SLC35A3: variants seen among roughly 807,000 people sequenced by gnomAD.
SLC35A3 encodes the protein solute carrier family 35 member A3, also known as UDP-N-acetylglucosamine transporter.
A neutral mutation model predicts 39.0 loss-of-function variants in SLC35A3; 26 were observed. That is an observed-to-expected ratio of 0.67 (90% CI 0.49 to 0.92). The LOEUF (loss-of-function observed/expected upper bound fraction) is 0.92. SLC35A3 is among the 40% of genes least tolerant of loss of function. SLC35A3 has a pLI of 0.00. For synonymous variants in SLC35A3, 135 were observed against 133.1 expected, an observed-to-expected ratio of 1.01 and a Z score of -0.10; for missense variants, 299 against 371.6, an observed-to-expected ratio of 0.80 and a Z score of 1.61.
intron 2 of SLC35A3, among the ~76,000 whole-genome samples, chr1:99,998,955 ATT>A (rs1424593880): frequency 6.6e-6 from 1 of 152,332 alleles, no homozygotes; most frequent in African/African-American, 2.4e-5. Context: ...TGGTTAACAA[ATT>A]AAAACTTTGA....
intron 3 of SLC35A3, among the ~76,000 whole-genome samples, chr1:100,003,547 C>T (rs1424101409): frequency 3.3e-5 from 5 of 151,552 alleles, no homozygotes; most frequent in Admixed American, 3.3e-4. Flanking sequence ...ATATTCTATT[C>T]TGGAGAATGC....
intron 1 of SLC35A3, among the ~76,000 whole-genome samples, chr1:99,974,599 A>C (rs1657008286): frequency 6.6e-6 from 1 of 152,068 alleles, no homozygotes; most frequent in Non-Finnish European, 1.5e-5. Flanking sequence ...GAAAGTGTTG[A>C]GATTACTGGT....
intron 3 of SLC35A3, among the ~76,000 whole-genome samples, chr1:100,004,651 A>G: frequency 6.6e-6 from 1 of 152,136 alleles, no homozygotes; most frequent in East Asian, 1.9e-4. Flanking sequence ...TATCTAGGAA[A>G]GACTTTATCT....
rs1173532296 is a variant in SLC35A3 at position 100,035,483 on chromosome 1, T to C, written c.*13007T>C. ...ACATTTAGTATGTGTTAAATTTCTC[T>C]TACTACATTATTTCCAACAGTATTT... is the stretch of plus-strand genomic sequence containing the variant. On this transcript the variant is annotated 3_prime_UTR_variant, in exon 8 of 8. Coordinates refer to ENST00000533028, the MANE Select transcript of SLC35A3 (RefSeq NM_012243.3). The C allele has an allele frequency of 6.6e-6, 1 of 152,224 alleles. No homozygotes were observed. Among genetic ancestry groups the C allele is most frequent in the East Asian group, 1.9e-4 (1 of 5,206 alleles). 9.4% of individuals were successfully genotyped at this position (152,224 alleles called of 1,614,324 possible). A position where few individuals can be genotyped will look rare whatever the true frequency, so the allele number is the denominator to read the frequency against.
intron 1 of SLC35A3, chr1:99,993,199 G>A (rs767930399): frequency 2.9e-5 from 5 of 173,654 alleles, no homozygotes; most frequent in Non-Finnish European, 6.1e-5. Context: ...TACATCTGTA[G>A]CAAAAAAAAT....
intron 1 of SLC35A3, among the ~76,000 whole-genome samples, chr1:99,974,593 G>A (rs1352284020): frequency 2.0e-5 from 3 of 152,246 alleles, no homozygotes; most frequent in East Asian, 3.9e-4. Flanking sequence ...GCCTCTGAAA[G>A]TGTTGAGATT....
chr1:99,977,330 G>C (rs1407805471), intron 1 of SLC35A3, among the ~76,000 whole-genome samples: 5 of 122,434 alleles, frequency 4.1e-5, no homozygotes, highest in African/African-American at 3.3e-5. Flanking sequence ...ACAGCCTGAC[G>C]AACATCGCGA....
At chr1:99,973,390 T>C (rs1656926491) in intron 1 of SLC35A3, among the ~76,000 whole-genome samples, 2 of 152,242 alleles carry the variant, frequency 1.3e-5, no homozygotes, top group African/African-American at 4.8e-5. Flanking sequence ...AAAAGCAATG[T>C]ATTCTTAAGT....
chr1:99,979,466 C>T lies in SLC35A3; in HGVS notation c.-19+9304C>T, dbSNP rs374388007. Among the ~76,000 whole-genome samples the T allele has an allele frequency of 4.7e-5, 7 of 147,574 alleles. No homozygotes were observed. In the East Asian group the frequency reaches 1.2e-3, roughly 26 times the overall value. On this transcript the variant is annotated intron_variant, in intron 1 of 7. Coordinates refer to ENST00000533028, the MANE Select transcript of SLC35A3 (RefSeq NM_012243.3). ...TTTTTTTATTTGAGACAGAGTCTCA[C>T]TCTGTTGCTCAGGCTGGAGTGCAGT...
intron 1 of SLC35A3, among the ~76,000 whole-genome samples, chr1:99,978,077 AT>A (rs1022056780): frequency 6.6e-6 from 1 of 152,106 alleles, no homozygotes; most frequent in Non-Finnish European, 1.5e-5. Context: ...AAAATTGGGA[AT>A]TTTTTTCTCT....
chr1:100,008,110 C>G (rs944549563), intron 4 of SLC35A3: 3 of 151,998 alleles, frequency 2.0e-5, no homozygotes, highest in African/African-American at 7.3e-5. Context: ...TGCCACCATG[C>G]CCGGCTAATT....
At position 100,027,242 on chromosome 1, in the gene SLC35A3, A is replaced by T. The variant is rs1244211108; in HGVS notation, c.*4766A>T. ...CAAGGCAGAAGAATCGCTTGAGCCC[A>T]TGAATTTGAGGCCAGCCTGGGCAAC... On this transcript the variant is annotated 3_prime_UTR_variant, in exon 8 of 8. Coordinates refer to ENST00000533028, the MANE Select transcript of SLC35A3 (RefSeq NM_012243.3). The T allele has an allele frequency of 2.5e-6, 1 of 398,492 alleles. No homozygotes were observed. Among genetic ancestry groups the T allele is most frequent in the Non-Finnish European group, 4.4e-6 (1 of 226,062 alleles). The allele number at this position is 398,492 out of a possible 1,614,324, so 24.7% of individuals were successfully genotyped here.
Position 99,988,602 on chromosome 1 carries a change from C to A in SLC35A3, c.-18-4935C>A, listed in dbSNP as rs867079989. Among the ~76,000 whole-genome samples, 94 of 151,062 alleles carry A rather than the reference C, an allele frequency of 6.2e-4. 1 individual carries two copies. Among genetic ancestry groups the A allele is most frequent in the African/African-American group, 2.2e-3 (92 of 41,100 alleles). On this transcript the variant is annotated intron_variant, in intron 1 of 7. Coordinates refer to ENST00000533028, the MANE Select transcript of SLC35A3 (RefSeq NM_012243.3). ...TGTTATTGTTTTCTTCCTTCTCTTCCTTCCCTTCCTTCTGTCCCTCCCCTC... is the reference window on the plus strand; with the variant it reads ...TGTTATTGTTTTCTTCCTTCTCTTCATTCCCTTCCTTCTGTCCCTCCCCTC...
rs1661297732 is a variant in SLC35A3 at position 100,032,521 on chromosome 1, T to C, written c.*10045T>C. Reference sequence around the variant, plus strand: ...GATGCTCATATATATTGTGAGCCTCTAGCCCATGTAAGTCACAGCAAGCTA... The same window carrying C: ...GATGCTCATATATATTGTGAGCCTCCAGCCCATGTAAGTCACAGCAAGCTA... On this transcript the variant is annotated 3_prime_UTR_variant, in exon 8 of 8. Coordinates refer to ENST00000533028, the MANE Select transcript of SLC35A3 (RefSeq NM_012243.3). 6.6e-6 allele frequency: 1 copy of C among 152,190 alleles called. No homozygotes were observed. The highest frequency in any genetic ancestry group is 1.5e-5 in the Non-Finnish European group (1 of 68,038). 9.4% of individuals were successfully genotyped at this position (152,190 alleles called of 1,614,324 possible).
At chr1:100,008,030 C>T (rs1659367085) in intron 4 of SLC35A3, 1 of 150,912 alleles carries the variant, frequency 6.6e-6, no homozygotes, top group Non-Finnish European at 1.5e-5. Context: ...CAGCTCACTG[C>T]AACCTCCACC....
At chr1:99,974,412 A>T (rs991219006) in intron 1 of SLC35A3, among the ~76,000 whole-genome samples, 1 of 152,220 alleles carries the variant, frequency 6.6e-6, no homozygotes, top group African/African-American at 2.4e-5. Flanking sequence ...TAGAGACAGA[A>T]TGTGAACTCA....
At chr1:99,971,463 C>T (rs1414315840) in intron 1 of SLC35A3, among the ~76,000 whole-genome samples, 1 of 152,000 alleles carries the variant, frequency 6.6e-6, no homozygotes, top group Non-Finnish European at 1.5e-5. Context: ...CCCGCCGCCA[C>T]GCCCGGCTAA....
In SLC35A3 at chr1:100,011,402, C is replaced by A; in HGVS notation, c.503C>A (p.Ser168Ter). 1 of 1,569,902 alleles carries A rather than the reference C, an allele frequency of 6.4e-7. No individual in the cohort carries two copies. Among genetic ancestry groups the A allele is most frequent in the East Asian group, 2.3e-5 (1 of 43,866 alleles). The change falls in exon 5 of 8, where the codon TCA (serine) becomes TAA (stop). Residue 168 changes from serine to a stop codon, truncating the protein, a stop_gained. Transcript: ENST00000533028. LOFTEE classifies it high-confidence loss of function. ...SDSQLDSKEL[S>*]AGSQFVGLMA... The stretch of plus-strand genomic sequence containing the variant: ...TCTCAGCTTGATTCTAAGGAACTTT[C>A]AGCTGGTTCTCAATTTGTAGGACTC...
intron 2 of SLC35A3, 153 bp downstream of exon 2, chr1:99,993,894 C>T: frequency 1.7e-6 from 1 of 576,178 alleles, no homozygotes; most frequent in Non-Finnish European, 2.9e-6. Context: ...CATTTTAAGT[C>T]TAGTAATAAA....
Sources: allele counts gnomAD v4.1 joint callset (sites outside exome capture counted in the v4.1 genomes callset), GRCh38; gene constraint gnomAD v4.1.1; transcripts MANE v1.5; gene names NCBI Gene and HGNC (gene_info 2026-07-23, HGNC 2026-07-21).